NAV2: variants seen among roughly 807,000 people sequenced by gnomAD.
The protein encoded by NAV2 is neuron navigator 2, also known as helicase, APC down-regulated 1.
A neutral mutation model predicts 223.2 loss-of-function variants in NAV2; 54 were observed. The observed-to-expected ratio is 0.24, with a 90% CI of 0.19 to 0.30. The LOEUF is 0.30. Ranked by LOEUF, NAV2 falls within the 10% of genes least tolerant of loss-of-function variation. NAV2 has a pLI of 1.00. For synonymous variants in NAV2, 1,279 were observed against 1,239.3 expected (o/e 1.03, Z -0.67); for missense variants, 2,806 against 3,147.5 (o/e 0.89, Z 2.60).
chr11:19,468,384 A>G (rs1033908409), intron 1 of NAV2, among the ~76,000 whole-genome samples: 6 of 152,200 alleles, frequency 3.9e-5, no homozygotes, highest in Non-Finnish European at 8.8e-5. Context: ...CGCCACCCTG[A>G]AGGCTCTAGG....
intron 1 of NAV2, among the ~76,000 whole-genome samples, chr11:19,632,252 G>T (rs954336204): frequency 6.6e-6 from 1 of 152,230 alleles, no homozygotes; most frequent in African/African-American, 2.4e-5. Flanking sequence ...GCATCAAACA[G>T]GATTGGTCTT....
At chr11:19,592,990 G>C (rs1307655820) in intron 1 of NAV2, among the ~76,000 whole-genome samples, 2 of 152,164 alleles carry the variant, frequency 1.3e-5, no homozygotes, top group Non-Finnish European at 2.9e-5. Context: ...TTCAGAACCA[G>C]GCAATTGACT....
intron 11 of NAV2, among the ~76,000 whole-genome samples, chr11:19,990,532 C>A (rs12788004): frequency 0.014 from 2,055 of 152,220 alleles, 26 homozygotes; most frequent in Non-Finnish European, 0.022. Context: ...CCCCTCCCCC[C>A]ATTACCTCCC....
At position 19,621,715 on chromosome 11, in the gene NAV2, T is replaced by C. The variant is rs1407971609; in HGVS notation, c.76-210769T>C. ...TCTTTTCAAAAAATCAGCTCCTGGA[T>C]TCATTGATTTTTTGAAGTGTTTTTT... On this transcript the variant is annotated intron_variant, in intron 1 of 37. Coordinates refer to the NAV2 transcript ENST00000360655. Among the ~76,000 whole-genome samples the C allele has an allele frequency of 4.6e-5, 7 of 151,952 alleles. No homozygotes were observed. The South Asian group carries it at 1.0e-3, about 23-fold the overall frequency.
At position 19,608,482 on chromosome 11, in the gene NAV2, C is replaced by T. The variant is rs774845556; in HGVS notation, c.76-224002C>T. Among the ~76,000 whole-genome samples the T allele has an allele frequency of 3.3e-4, 51 of 152,376 alleles. 1 individual carries two copies. The highest frequency in any genetic ancestry group is 3.4e-3 in the Middle Eastern group (1 of 294). On this transcript the variant is annotated intron_variant, in intron 1 of 37. Coordinates refer to the NAV2 transcript ENST00000360655. ...AGGGGCTTGCAGCCCAAGTCCACTTCGGGATGTGAACTTATCTCCACACAA... is the reference window on the plus strand; with the variant it reads ...AGGGGCTTGCAGCCCAAGTCCACTTTGGGATGTGAACTTATCTCCACACAA...
At chr11:19,527,972 A>ACACACACACACACACACACACACACACAC (rs1565018537) in intron 1 of NAV2, among the ~76,000 whole-genome samples, 5 of 150,594 alleles carry the variant, frequency 3.3e-5, no homozygotes, top group African/African-American at 1.2e-4. Context: ...ACACACACAC[A>ACACACACACACACACACACACACACACAC]ATCCTGGGAA....
intron 1 of NAV2, among the ~76,000 whole-genome samples, chr11:19,363,883 C>G (rs187438680): frequency 1.2e-4 from 19 of 152,350 alleles, no homozygotes; most frequent in Admixed American, 3.9e-4. Flanking sequence ...GGAAGAGATG[C>G]ACAAGGCAAG....
chr11:19,892,063 A>AT (rs1381869132), intron 5 of NAV2, among the ~76,000 whole-genome samples: 6 of 152,146 alleles, frequency 3.9e-5, no homozygotes, highest in African/African-American at 1.4e-4. Context: ...GGTTCAACTG[A>AT]TTCTCCTGTC....
intron 1 of NAV2, among the ~76,000 whole-genome samples, chr11:19,751,819 C>A (rs77378038): frequency 0.098 from 14,936 of 152,186 alleles, 826 homozygotes; most frequent in South Asian, 0.15. Flanking sequence ...GAGTAGAGAG[C>A]AGAGAGGGAT....
At chr11:19,620,805 G>C (rs534057723) in intron 1 of NAV2, among the ~76,000 whole-genome samples, 1 of 152,130 alleles carries the variant, frequency 6.6e-6, no homozygotes, top group Non-Finnish European at 1.5e-5. Context: ...ATGTTGAATA[G>C]GAGTGGTGAG....
intron 4 of NAV2, 74 bp from the exon 5 acceptor site, chr11:19,879,795 G>T: frequency 6.4e-7 from 1 of 1,564,152 alleles, no homozygotes; most frequent in Non-Finnish European, 8.8e-7. Context: ...TCAAACTCAC[G>T]TGCCGACTGA....
chr11:20,021,095 C>T (rs2054467568), intron 11 of NAV2, among the ~76,000 whole-genome samples: 1 of 152,214 alleles, frequency 6.6e-6, no homozygotes, highest in Admixed American at 6.5e-5. Flanking sequence ...ATTTCCCACA[C>T]CCCACCTTGA....
At chr11:20,046,236 T>C (rs1470332817) in intron 14 of NAV2, among the ~76,000 whole-genome samples, 1 of 151,276 alleles carries the variant, frequency 6.6e-6, no homozygotes, top group African/African-American at 2.4e-5. Context: ...CTCAGGAAGC[T>C]GAGGCAGAAG....
intron 1 of NAV2, among the ~76,000 whole-genome samples, chr11:19,638,013 T>C (rs1310855321): frequency 6.6e-6 from 1 of 152,254 alleles, no homozygotes; most frequent in South Asian, 2.1e-4. Context: ...ACATATGTTA[T>C]CTAAAATACT....
intron 1 of NAV2, among the ~76,000 whole-genome samples, chr11:19,772,374 A>G (rs897745579): frequency 3.3e-5 from 5 of 152,318 alleles, no homozygotes; most frequent in African/African-American, 1.2e-4. Context: ...TTCAAGTCAG[A>G]TGAAGAGGAT....
At chr11:19,752,884 C>T (rs2053942156) in intron 1 of NAV2, among the ~76,000 whole-genome samples, 1 of 152,168 alleles carries the variant, frequency 6.6e-6, no homozygotes, top group African/African-American at 2.4e-5. Flanking sequence ...ATGTTGAAGC[C>T]TTAATCCCCA....
intron 1 of NAV2, among the ~76,000 whole-genome samples, chr11:19,419,635 C>A (rs1221070919): frequency 6.6e-6 from 1 of 152,198 alleles, no homozygotes; most frequent in African/African-American, 2.4e-5. Context: ...GAGCAAGGAT[C>A]TTCCATTTGT....
intron 1 of NAV2, among the ~76,000 whole-genome samples, chr11:19,404,086 C>G (rs919197514): frequency 2.0e-5 from 3 of 152,024 alleles, no homozygotes; most frequent in Non-Finnish European, 4.4e-5. Flanking sequence ...ATTCTGTTGG[C>G]CTTGTGAAGA....
intron 1 of NAV2, among the ~76,000 whole-genome samples, chr11:19,661,829 A>G (rs1057036357): frequency 1.1e-4 from 17 of 152,200 alleles, no homozygotes; most frequent in Non-Finnish European, 2.1e-4. Context: ...TGGGACATTT[A>G]TCTCATATAA....
Sources: allele counts gnomAD v4.1 joint callset (sites outside exome capture counted in the v4.1 genomes callset), GRCh38; gene constraint gnomAD v4.1.1; transcripts MANE v1.5; gene names NCBI Gene and HGNC (gene_info 2026-07-23, HGNC 2026-07-21).